Variants in RASA3 observed in about 807,000 individuals in gnomAD.
The protein encoded by RASA3 is ras GTPase-activating protein 3.
Under a neutral mutation model 110.0 loss-of-function variants are expected in RASA3, and 73 were observed. That is an observed-to-expected ratio of 0.66 (90% CI 0.55 to 0.81). The LOEUF is 0.81. Ranked by LOEUF, RASA3 falls within the 30% of genes least tolerant of loss-of-function variation. The probability of loss-of-function intolerance (pLI) is 0.00; values close to 1 mark genes in which losing one functional copy is unlikely to be tolerated. For missense variants in RASA3, 976 were observed against 1,113.2 expected, an observed-to-expected ratio of 0.88 and a Z score of 1.75; for synonymous variants, 500 against 451.4, an observed-to-expected ratio of 1.11 and a Z score of -1.37.
In RASA3 at chr13:114,027,888, T is replaced by C. The variant is rs1477241692; in HGVS notation, c.489A>G (p.Gln163=). 23 of 1,613,828 alleles carry C rather than the reference T, an allele frequency of 1.4e-5. No individual in the cohort carries two copies. Among genetic ancestry groups the C allele is most frequent in the Non-Finnish European group, 1.9e-5 (23 of 1,179,980 alleles). ...GCGTCACGGTGGCGTAGGGGTCACA[T>C]TGCCCATTCACGATGGGGAGGCCCT... ...ECQGLPIVNG[Q]CDPYATVTLA... is the part of the protein sequence containing the mutation. Residue 163 remains glutamine (Q), a synonymous_variant, in exon 6 of 24, where the codon CAA becomes CAG. Transcript: ENST00000334062.
intron 1 of RASA3, among the ~76,000 whole-genome samples, chr13:114,106,464 G>A (rs190686322): frequency 2.0e-5 from 3 of 152,158 alleles, no homozygotes; most frequent in South Asian, 2.1e-4. Context: ...CATTTCCTTC[G>A]TTTATATTGA....
At chr13:114,022,491 C>T (rs1179197467) in intron 8 of RASA3, among the ~76,000 whole-genome samples, 1 of 152,224 alleles carries the variant, frequency 6.6e-6, no homozygotes, top group African/African-American at 2.4e-5. Context: ...GGCCTAACCA[C>T]ACTGTGGGCA....
At chr13:114,092,357 T>C (rs1027661834) in intron 1 of RASA3, among the ~76,000 whole-genome samples, 2 of 152,200 alleles carry the variant, frequency 1.3e-5, no homozygotes, top group Non-Finnish European at 2.9e-5. Context: ...TTTTGGTATG[T>C]TATGTTTCCA....
intron 1 of RASA3, among the ~76,000 whole-genome samples, chr13:114,121,257 T>G (rs534868357): frequency 1.3e-5 from 2 of 152,054 alleles, no homozygotes; most frequent in Admixed American, 1.3e-4. Context: ...CCCAAACACA[T>G]CCCGCCGAGC....
At chr13:114,043,142 G>A (rs1040863691) in intron 3 of RASA3, among the ~76,000 whole-genome samples, 10 of 151,668 alleles carry the variant, frequency 6.6e-5, no homozygotes, top group African/African-American at 1.9e-4. Flanking sequence ...AACTCAGAGG[G>A]TCTGAGACAC....
intron 4 of RASA3, among the ~76,000 whole-genome samples, chr13:114,030,709 C>T (rs931190458): frequency 3.9e-5 from 6 of 152,174 alleles, no homozygotes; most frequent in Non-Finnish European, 7.4e-5. Context: ...CCTGTCTGTG[C>T]GTACAACTGT....
intron 1 of RASA3, among the ~76,000 whole-genome samples, chr13:114,093,176 G>A (rs561835968): frequency 6.6e-6 from 1 of 152,304 alleles, no homozygotes; most frequent in African/African-American, 2.4e-5. Flanking sequence ...TACAGTATTA[G>A]TATGACAATC....
intron 1 of RASA3, among the ~76,000 whole-genome samples, chr13:114,103,891 C>T (rs7317492): frequency 2.8e-5 from 3 of 107,546 alleles, no homozygotes; most frequent in East Asian, 4.2e-4. Flanking sequence ...CCTGATGCGT[C>T]CACACTGCCC....
intron 7 of RASA3, 37 bp from the exon 8 acceptor site, chr13:114,024,392 G>T (rs1174851262): frequency 1.3e-6 from 2 of 1,596,984 alleles, no homozygotes; most frequent in Non-Finnish European, 1.7e-6. Flanking sequence ...TGAGACCGCG[G>T]TGCCACCAGG....
chr13:114,131,104 G>A (rs1386466638), intron 1 of RASA3, among the ~76,000 whole-genome samples: 2 of 152,236 alleles, frequency 1.3e-5, no homozygotes, highest in Non-Finnish European at 1.5e-5. Context: ...CCTAGCTGCA[G>A]CGCTTCTGGG....
rs952025185 is a variant in RASA3, at chr13:114,057,972, C to T, written c.174-5817G>A. The stretch of plus-strand genomic sequence containing the variant: ...GGGCCTGGCTGAGGCCCTGGGAGGT[C>T]GGAGTCCCGGAGGTGGGTGGGGGTG... On this transcript the variant is annotated intron_variant, in intron 2 of 23. Coordinates refer to ENST00000334062, the MANE Select transcript of RASA3 (RefSeq NM_007368.4). This position sits in a 1 kb window ranked among gnomAD's most constrained non-coding sequence, Gnocchi z 5.0. Among the ~76,000 whole-genome samples the T allele has an allele frequency of 2.6e-5, 4 of 152,092 alleles. No homozygotes were observed. Among genetic ancestry groups the T allele is most frequent in the Non-Finnish European group, 4.4e-5 (3 of 67,998 alleles).
chr13:114,014,745 G>A lies in RASA3; in HGVS notation c.1405+464C>T, dbSNP rs1228393990. On this transcript the variant is annotated intron_variant, in intron 14 of 23. Coordinates refer to ENST00000334062, the MANE Select transcript of RASA3 (RefSeq NM_007368.4). This position sits in a 1 kb window ranked among gnomAD's most constrained non-coding sequence, Gnocchi z 4.5. ...CCCCCAGGGGTCCTGTCTCTTCGAAGACACGGGCAGGCAGAGCCCCCAACA... is the reference window on the plus strand; with the variant it reads ...CCCCCAGGGGTCCTGTCTCTTCGAAAACACGGGCAGGCAGAGCCCCCAACA... Among the ~76,000 whole-genome samples, 1 of 152,110 alleles carries A rather than the reference G, an allele frequency of 6.6e-6. No homozygotes were observed. The highest frequency in any genetic ancestry group is 1.5e-5 in the Non-Finnish European group (1 of 67,974).
intron 1 of RASA3, among the ~76,000 whole-genome samples, chr13:114,077,568 A>C (rs1594431936): frequency 1.5e-5 from 1 of 66,372 alleles, no homozygotes; most frequent in African/African-American, 6.3e-5. Flanking sequence ...GTCCCACCGC[A>C]CTGGCACCAA....
chr13:114,057,280 C>T lies in RASA3; in HGVS notation c.174-5125G>A, dbSNP rs2079261356. 7.1e-6 allele frequency: 7 copies of T among 985,434 alleles called. No homozygotes were observed. Among genetic ancestry groups the T allele is most frequent in the Non-Finnish European group, 8.4e-6 (7 of 829,922 alleles). 61.0% of individuals were successfully genotyped at this position (985,434 alleles called of 1,614,324 possible). On this transcript the variant is annotated intron_variant, in intron 2 of 23. Coordinates refer to ENST00000334062, the MANE Select transcript of RASA3 (RefSeq NM_007368.4). The surrounding 1 kb of genome is among the most constrained non-coding windows in gnomAD (Gnocchi z 5.0). ...AAGTCTTTCAGGAAACCAGGCAGGA[C>T]ATCTGCAGGCGGCCGGCCAGCCTTA...
chr13:113,995,786 ACGGGGGG>A (rs2053228809), intron 21 of RASA3, among the ~76,000 whole-genome samples: 1 of 14,734 alleles, frequency 6.8e-5, no homozygotes, highest in Admixed American at 6.8e-4. Context: ...GGCCCGGCTG[ACGGGGGG>A]TCCGGCTGAT....
At chr13:114,013,289 C>A in intron 14 of RASA3, 41 bp from the exon 15 acceptor site, 1 of 1,512,794 alleles carries the variant, frequency 6.6e-7, no homozygotes, top group Non-Finnish European at 9.1e-7. Flanking sequence ...TCCTCGGGCA[C>A]AATGGCCTCG....
chr13:114,000,864 C>T lies in RASA3; in HGVS notation c.1811G>A (p.Arg604His), dbSNP rs765037785. The change falls in exon 19 of 24, where the codon CGC (arginine) becomes CAC (histidine). Residue 604 changes from arginine (R) to histidine (H), a missense_variant. Coordinates refer to ENST00000334062, the MANE Select transcript of RASA3 (RefSeq NM_007368.4). ...GMKNFKKRWF[R>H]LTNHEFTYHK... ...GTAGGTAAATTCATGGTTGGTCAAG[C>T]GAAACCATCTCTTCTTAAAATTCTT... is the stretch of plus-strand genomic sequence containing the variant. 3.8e-5 allele frequency: 62 copies of T among 1,613,714 alleles called. No individual in the cohort carries two copies. Among genetic ancestry groups the T allele is most frequent in the South Asian group, 3.6e-4 (33 of 91,084 alleles).
At chr13:114,024,221 A>C (rs2053985115) in intron 8 of RASA3, 58 bp downstream of exon 8, 3 of 1,458,070 alleles carry the variant, frequency 2.1e-6, no homozygotes, top group East Asian at 2.3e-5. Context: ...AGAACAAAAG[A>C]GCTGAGGAGT....
At chr13:114,076,799 G>A (rs1357865613) in intron 1 of RASA3, among the ~76,000 whole-genome samples, 1 of 149,944 alleles carries the variant, frequency 6.7e-6, no homozygotes, top group Non-Finnish European at 1.5e-5. Flanking sequence ...CCAGCCTCCC[G>A]GCCCTGTTTT....
Sources: gnomAD v4.1 joint callset for allele counts (sites outside exome capture counted in the v4.1 genomes callset) on GRCh38, gnomAD v4.1.1 for gene constraint, Gnocchi (gnomAD v3.1) non-coding constraint, MANE v1.5 for transcripts, NCBI Gene and HGNC (gene_info 2026-07-23, HGNC 2026-07-21) for gene names.